TBC1D23: variants seen among roughly 807,000 people sequenced by gnomAD.
TBC1D23 encodes TBC1 domain family member 23, also known as HCV non-structural protein 4A-transactivated protein 1.
Under a neutral mutation model 91.4 loss-of-function variants are expected in TBC1D23, and 55 were observed. That is an observed-to-expected ratio of 0.60 (90% CI 0.48 to 0.75). The LOEUF (loss-of-function observed/expected upper bound fraction) is 0.75. TBC1D23 is among the 30% of genes least tolerant of loss of function. The pLI is 0.00. For missense variants in TBC1D23, 725 were observed against 836.1 expected (o/e 0.87, Z 1.64); for synonymous variants, 289 against 281.0 (o/e 1.03, Z -0.28).
At chr3:100,268,432 C>A (rs2148849102) in intron 1 of TBC1D23, among the ~76,000 whole-genome samples, 1 of 152,168 alleles carries the variant, frequency 6.6e-6, no homozygotes, top group African/African-American at 2.4e-5. Context: ...CTTTGCCAAA[C>A]TATGATCCCC....
intron 3 of TBC1D23, 47 bp from the exon 4 acceptor site, chr3:100,283,560 C>T (rs762570062): frequency 1.5e-6 from 2 of 1,300,482 alleles, no homozygotes; most frequent in South Asian, 2.5e-5. Context: ...CCAATAACAG[C>T]CCCTGACAGG....
intron 8 of TBC1D23, among the ~76,000 whole-genome samples, chr3:100,296,656 G>A (rs1048649583): frequency 2.6e-5 from 4 of 151,660 alleles, no homozygotes. Context: ...TCGGGAGATC[G>A]AGACCATCCT....
At chr3:100,310,596 A>T in intron 14 of TBC1D23, 54 bp downstream of exon 14, 1 of 1,398,138 alleles carries the variant, frequency 7.2e-7, no homozygotes, top group East Asian at 2.4e-5. Flanking sequence ...CTAAAGAAAC[A>T]ATGTCTTAGA....
At chr3:100,265,106 T>TA (rs1265056068) in intron 1 of TBC1D23, among the ~76,000 whole-genome samples, 1 of 152,270 alleles carries the variant, frequency 6.6e-6, no homozygotes, top group Non-Finnish European at 1.5e-5. Flanking sequence ...TATGTGTAAT[T>TA]ACATGACTTA....
At chr3:100,314,428 G>A (rs551367358) in intron 15 of TBC1D23, among the ~76,000 whole-genome samples, 2 of 152,114 alleles carry the variant, frequency 1.3e-5, no homozygotes, top group South Asian at 4.1e-4. Flanking sequence ...TATTGATAGT[G>A]TGTAAAGTAT....
chr3:100,304,704 A>G (rs1268413147), intron 11 of TBC1D23, 142 bp from the exon 12 acceptor site: 7 of 623,924 alleles, frequency 1.1e-5, no homozygotes, highest in Non-Finnish European at 2.0e-5. Context: ...TCTCTCTGCC[A>G]AAGTCCAAAA....
At chr3:100,318,206 A>G (rs1178899140) in intron 16 of TBC1D23, among the ~76,000 whole-genome samples, 2 of 152,162 alleles carry the variant, frequency 1.3e-5, no homozygotes, top group Non-Finnish European at 2.9e-5. Context: ...AGTATTTGTT[A>G]GAAAGCAAAG....
In TBC1D23 at chr3:100,279,741, T is replaced by C; in HGVS notation, c.146T>C (p.Leu49Pro). Residue 49 changes from leucine to proline, a missense_variant, in exon 2 of 19, where the codon CTG (leucine) becomes CCG (proline). Leu to Pro is a moderately conservative substitution (Grantham distance 98). Coordinates refer to ENST00000394144, the MANE Select transcript of TBC1D23 (RefSeq NM_001199198.3). ...CAAGGAAGACCGCTGCCTGCTGATC[T>C]GAGGGCCAAAGTTTGGAAGGTAACT... ...IIQGRPLPAD[L>P]RAKVWKIALN... The C allele has an allele frequency of 6.3e-7, 1 of 1,597,692 alleles. No homozygotes were observed. The highest frequency in any genetic ancestry group is 1.3e-5 in the African/African-American group (1 of 74,702).
At position 100,281,752 on chromosome 3, in the gene TBC1D23, A is replaced by G. The variant is rs1433914927; in HGVS notation, c.176A>G (p.Asn59Ser). The change falls in exon 3 of 19, where the codon AAT becomes AGT. Residue 59 changes from asparagine (N) to serine (S), a missense_variant. Physicochemically the swap from Asn to Ser is conservative, Grantham distance 46. Coordinates refer to ENST00000394144, the MANE Select transcript of TBC1D23 (RefSeq NM_001199198.3). ...AAATCTTTCTTCCAGATTGCTCTGA[A>G]TGTTGCAGGAAAAGGTGATAGTTTG... ...LRAKVWKIAL[N>S]VAGKGDSLAS... 1 of 1,610,478 alleles carries G rather than the reference A, an allele frequency of 6.2e-7. No individual in the cohort carries two copies. Among genetic ancestry groups the G allele is most frequent in the Non-Finnish European group, 8.5e-7 (1 of 1,177,084 alleles).
chr3:100,322,678 T>C (rs1208967706), intron 18 of TBC1D23, among the ~76,000 whole-genome samples: 1 of 152,218 alleles, frequency 6.6e-6, no homozygotes, highest in Non-Finnish European at 1.5e-5. Context: ...TATGACTCTC[T>C]CATGTATAGT....
In TBC1D23 at chr3:100,316,788, T is replaced by C. The variant is rs1705754593; in HGVS notation, c.1687+601T>C. ...CAGGGAAGTTTATCTTCTCTGTGGT[T>C]ATGTTTTAAAAAAAATAATTTAGGC... On this transcript the variant is annotated intron_variant, in intron 16 of 18. Transcript: ENST00000394144. Among the ~76,000 whole-genome samples the C allele has an allele frequency of 2.6e-5, 4 of 152,180 alleles. No homozygotes were observed. In the South Asian group the frequency reaches 8.3e-4, roughly 32 times the overall value.
In TBC1D23 at chr3:100,303,422, T is replaced by C. The variant is rs951672145; in HGVS notation, c.1263+1185T>C. On this transcript the variant is annotated intron_variant, in intron 11 of 18. Transcript: ENST00000394144. The stretch of plus-strand genomic sequence containing the variant: ...GGAAAGAGTTTAGAAGCATACAGAA[T>C]AACAAAAATAAGGAACCAAACTCAT... Among the ~76,000 whole-genome samples the C allele has an allele frequency of 2.0e-5, 3 of 152,220 alleles. No individual in the cohort carries two copies. The East Asian group carries it at 5.8e-4, about 29-fold the overall frequency.
At chr3:100,319,393 A>T (rs1392093294) in intron 17 of TBC1D23, among the ~76,000 whole-genome samples, 189 bp downstream of exon 17, 1 of 152,052 alleles carries the variant, frequency 6.6e-6, no homozygotes, top group Admixed American at 6.6e-5. Flanking sequence ...TTATACAAAA[A>T]TGTTGAAGGA....
chr3:100,321,315 T>C (rs1576190608), intron 18 of TBC1D23, among the ~76,000 whole-genome samples: 1 of 152,236 alleles, frequency 6.6e-6, no homozygotes, highest in East Asian at 1.9e-4. Flanking sequence ...ATCGAAAAAT[T>C]CTTGTTTTGA....
At chr3:100,292,719 C>T (rs1439485184) in intron 5 of TBC1D23, among the ~76,000 whole-genome samples, 1 of 152,154 alleles carries the variant, frequency 6.6e-6, no homozygotes, top group Non-Finnish European at 1.5e-5. Flanking sequence ...CCCACCTCAG[C>T]CTCCTGAGTA....
chr3:100,290,186 T>C (rs1433156230), intron 4 of TBC1D23, among the ~76,000 whole-genome samples: 3 of 152,204 alleles, frequency 2.0e-5, no homozygotes, highest in African/African-American at 7.2e-5. Context: ...ACATTCCTGA[T>C]TGAGTATATA....
chr3:100,268,662 T>A (rs181951680), intron 1 of TBC1D23, among the ~76,000 whole-genome samples: 2 of 152,348 alleles, frequency 1.3e-5, no homozygotes, highest in African/African-American at 4.8e-5. Flanking sequence ...CCATTCTCTA[T>A]CTTAGGCAAA....
chr3:100,272,919 T>A lies in TBC1D23; in HGVS notation c.54-6730T>A, dbSNP rs192438179. Reference sequence around the variant, plus strand: ...CTATCTCAGTAGATGGAACATACAATCGGTTTTATACCGAGACATTCCATT... The same window carrying A: ...CTATCTCAGTAGATGGAACATACAAACGGTTTTATACCGAGACATTCCATT... On this transcript the variant is annotated intron_variant, in intron 1 of 18. Transcript: ENST00000394144. 2.6e-4 allele frequency among the ~76,000 whole-genome samples: 39 copies of A among 152,260 alleles called. No homozygotes were observed. The East Asian group carries it at 7.1e-3, about 28-fold the overall frequency.
chr3:100,285,088 A>G lies in TBC1D23; in HGVS notation c.476+1277A>G, dbSNP rs545096071. On this transcript the variant is annotated intron_variant, in intron 4 of 18. Coordinates refer to ENST00000394144, the MANE Select transcript of TBC1D23 (RefSeq NM_001199198.3). The stretch of plus-strand genomic sequence containing the variant: ...CTACCCTGGTTGCTTGTTAGAATCA[A>G]CTGAAGCACTTTTTCTTTTTTTAAA... 2.0e-5 allele frequency among the ~76,000 whole-genome samples: 3 copies of G among 152,296 alleles called. No individual in the cohort carries two copies. The East Asian group carries it at 5.8e-4, about 29-fold the overall frequency.
Sources: gnomAD v4.1 joint callset for allele counts (sites outside exome capture counted in the v4.1 genomes callset) on GRCh38, gnomAD v4.1.1 for gene constraint, MANE v1.5 for transcripts, NCBI Gene and HGNC (gene_info 2026-07-23, HGNC 2026-07-21) for gene names.